PRKAR2A: variants seen among roughly 807,000 people sequenced by gnomAD.
PRKAR2A encodes the protein cAMP-dependent protein kinase type II-alpha regulatory subunit.
PRKAR2A carries 29 observed loss-of-function variants against 51.9 expected under a neutral mutation model. That is an observed-to-expected ratio of 0.56 (90% CI 0.42 to 0.76). PRKAR2A has a LOEUF of 0.76. PRKAR2A is among the 30% of genes least tolerant of loss of function. The pLI is 0.00. For missense variants in PRKAR2A, 445 were observed against 512.1 expected, an observed-to-expected ratio of 0.87 and a Z score of 1.26; for synonymous variants, 178 against 186.2, an observed-to-expected ratio of 0.96 and a Z score of 0.36.
chr3:48,836,022 T>C (rs1206339724), intron 1 of PRKAR2A, among the ~76,000 whole-genome samples: 2 of 152,090 alleles, frequency 1.3e-5, no homozygotes, highest in Non-Finnish European at 2.9e-5. Context: ...ACTGAGTCCA[T>C]GCATAACAAT....
intron 1 of PRKAR2A, among the ~76,000 whole-genome samples, chr3:48,818,000 G>A (rs367784549): frequency 2.0e-5 from 3 of 152,238 alleles, no homozygotes; most frequent in Admixed American, 1.3e-4. Flanking sequence ...CAAGAGGGGA[G>A]AAATCCAGCA....
intron 2 of PRKAR2A, among the ~76,000 whole-genome samples, chr3:48,797,143 T>A (rs1404587507): frequency 6.6e-6 from 1 of 151,822 alleles, no homozygotes; most frequent in Admixed American, 6.6e-5. Flanking sequence ...TACATACCAC[T>A]CCCAATTTAT....
intron 2 of PRKAR2A, among the ~76,000 whole-genome samples, chr3:48,804,653 T>C (rs963284135): frequency 6.6e-6 from 1 of 152,170 alleles, no homozygotes; most frequent in Middle Eastern, 3.4e-3. Context: ...CAGGCAGTGG[T>C]TGCAGAATGG....
In PRKAR2A at chr3:48,847,207, G is replaced by A; in HGVS notation, c.262+128C>T. The A allele has an allele frequency of 3.3e-6, 4 of 1,199,284 alleles. No homozygotes were observed. The highest frequency in any genetic ancestry group is 3.2e-5 in the African/African-American group (2 of 63,038). The allele number at this position is 1,199,284 out of a possible 1,614,324, so 74.3% of individuals were successfully genotyped here. A position where few individuals can be genotyped will look rare whatever the true frequency, so the allele number is the denominator to read the frequency against. On this transcript the variant is annotated intron_variant, in intron 1 of 10. Coordinates refer to ENST00000265563, the MANE Select transcript of PRKAR2A (RefSeq NM_004157.4). This position sits in a 1 kb window ranked among gnomAD's most constrained non-coding sequence, Gnocchi z 4.4. ...GGTGTCTCAGGGAAACGCTAGAAACGCGGCTACAGAGCTCCCAATCCCAGC... is the reference window on the plus strand; with the variant it reads ...GGTGTCTCAGGGAAACGCTAGAAACACGGCTACAGAGCTCCCAATCCCAGC...
At position 48,812,503 on chromosome 3, in the gene PRKAR2A, T is replaced by C. The variant is rs554307525; in HGVS notation, c.263-4819A>G. The stretch of plus-strand genomic sequence containing the variant: ...CAGAAAAAGCTTTTTTTTTTTTTTT[T>C]CGAGACTCTCACTCTGTCGCCCAGG... On this transcript the variant is annotated intron_variant, in intron 1 of 10. Transcript: ENST00000265563. Among the ~76,000 whole-genome samples the C allele has an allele frequency of 3.6e-4, 55 of 151,682 alleles. No homozygotes were observed. The East Asian group carries it at 7.8e-3, about 21-fold the overall frequency.
chr3:48,827,494 G>A (rs976912602), intron 1 of PRKAR2A, among the ~76,000 whole-genome samples: 5 of 152,112 alleles, frequency 3.3e-5, no homozygotes, highest in African/African-American at 1.2e-4. Flanking sequence ...AATTTGTTAG[G>A]CAATTTCATC....
chr3:48,828,052 GAT>G (rs1328644291), intron 1 of PRKAR2A, among the ~76,000 whole-genome samples: 1 of 152,094 alleles, frequency 6.6e-6, no homozygotes, highest in African/African-American at 2.4e-5. Flanking sequence ...CTTTACTAGA[GAT>G]GGGGTTTCAC....
At chr3:48,845,450 A>T (rs2107475739) in intron 1 of PRKAR2A, among the ~76,000 whole-genome samples, 1 of 152,304 alleles carries the variant, frequency 6.6e-6, no homozygotes, top group South Asian at 2.1e-4. Context: ...GCCAGACCAG[A>T]TACAACTCAG....
At chr3:48,776,105 AAAACAAACAAAC>A (rs377471790) in intron 5 of PRKAR2A, among the ~76,000 whole-genome samples, 8 of 152,000 alleles carry the variant, frequency 5.3e-5, no homozygotes, top group South Asian at 2.1e-4. Flanking sequence ...GCTCAGTCTC[AAAACAAACAAAC>A]AAACAAACAA....
intron 1 of PRKAR2A, among the ~76,000 whole-genome samples, chr3:48,835,804 G>A (rs2083274841): frequency 1.3e-5 from 2 of 151,572 alleles, no homozygotes; most frequent in African/African-American, 4.8e-5. Flanking sequence ...AAAAATTCTA[G>A]GGACCCAAAA....
At chr3:48,838,139 C>T (rs1324066995) in intron 1 of PRKAR2A, among the ~76,000 whole-genome samples, 2 of 152,190 alleles carry the variant, frequency 1.3e-5, no homozygotes, top group Admixed American at 6.6e-5. Context: ...GATCACGCCA[C>T]TGCACTCCAG....
intron 1 of PRKAR2A, among the ~76,000 whole-genome samples, chr3:48,830,190 C>G (rs1413076295): frequency 6.7e-6 from 1 of 149,282 alleles, no homozygotes; most frequent in Non-Finnish European, 1.5e-5. Flanking sequence ...GCGACAAGAG[C>G]GAAGCTCCGT....
intron 3 of PRKAR2A, among the ~76,000 whole-genome samples, chr3:48,791,052 G>C (rs2107312149): frequency 6.6e-6 from 1 of 152,236 alleles, no homozygotes; most frequent in South Asian, 2.1e-4. Flanking sequence ...ACTTTGGGAG[G>C]CCGAGGCAGG....
chr3:48,798,044 C>G (rs529208291), intron 2 of PRKAR2A, among the ~76,000 whole-genome samples: 1 of 152,182 alleles, frequency 6.6e-6, no homozygotes, highest in East Asian at 1.9e-4. Flanking sequence ...CCTCTGCCTC[C>G]CAGGTTCAAA....
intron 9 of PRKAR2A, among the ~76,000 whole-genome samples, chr3:48,755,751 T>TGTGAGAC (rs1208664521): frequency 1.3e-5 from 2 of 150,266 alleles, no homozygotes; most frequent in African/African-American, 2.5e-5. Context: ...GGATTACAGG[T>TGTGAGAC]GTGAGACATT....
chr3:48,791,529 G>A (rs1251152477), intron 3 of PRKAR2A, among the ~76,000 whole-genome samples: 1 of 146,460 alleles, frequency 6.8e-6, no homozygotes, highest in Admixed American at 7.0e-5. Context: ...GGAAGTTGGA[G>A]GTTGCTGTGA....
chr3:48,744,933 G>A (rs1277055280), downstream of PRKAR2A, among the ~76,000 whole-genome samples: 1 of 150,726 alleles, frequency 6.6e-6, no homozygotes, highest in Non-Finnish European at 1.5e-5. Context: ...GGAGTGCAGT[G>A]GCGCAATCTT....
downstream of PRKAR2A, among the ~76,000 whole-genome samples, chr3:48,746,067 C>T (rs1308978718): frequency 6.6e-6 from 1 of 152,094 alleles, no homozygotes; most frequent in African/African-American, 2.4e-5. Flanking sequence ...GGCTTTTGGA[C>T]AAGAACAACA....
intron 4 of PRKAR2A, 97 bp downstream of exon 4, chr3:48,790,447 G>A (rs755040216): frequency 9.5e-5 from 69 of 730,010 alleles, no homozygotes; most frequent in Middle Eastern, 7.7e-4. Flanking sequence ...TGCTTAACAC[G>A]GCTGTGGCTA....
Sources: gnomAD v4.1 joint callset for allele counts (sites outside exome capture counted in the v4.1 genomes callset) on GRCh38, gnomAD v4.1.1 for gene constraint, Gnocchi (gnomAD v3.1) non-coding constraint, MANE v1.5 for transcripts, NCBI Gene and HGNC (gene_info 2026-07-23, HGNC 2026-07-21) for gene names.